Variants in PADI3 observed in about 807,000 individuals in gnomAD.
PADI3 encodes protein-arginine deiminase type-3.
In PADI3, 53 loss-of-function variants were observed where a neutral mutation model predicts 71.5. That is an observed-to-expected ratio of 0.74 (90% CI 0.59 to 0.93). The LOEUF is 0.93. Ranked by LOEUF, PADI3 falls within the 40% of genes least tolerant of loss-of-function variation. The probability of loss-of-function intolerance (pLI) is 0.00; values close to 1 mark genes in which losing one functional copy is unlikely to be tolerated. For synonymous variants in PADI3, 361 were observed against 347.5 expected (o/e 1.04, Z -0.43); for missense variants, 821 against 868.0 (o/e 0.95, Z 0.68).
chr1:17,256,892 A>T (rs1049818938), intron 1 of PADI3, among the ~76,000 whole-genome samples: 1 of 151,986 alleles, frequency 6.6e-6, no homozygotes, highest in Non-Finnish European at 1.5e-5. Flanking sequence ...AATTAGCCGG[A>T]CACGGTGGTG....
chr1:17,258,747 G>T (rs375563285), intron 1 of PADI3, among the ~76,000 whole-genome samples: 2 of 152,242 alleles, frequency 1.3e-5, no homozygotes, highest in East Asian at 1.9e-4. Context: ...TGCGCCAGGT[G>T]CCTGGCATGC....
intron 14 of PADI3, 22 bp from the exon 15 acceptor site, chr1:17,280,649 T>A (rs1211717480): frequency 1.9e-6 from 3 of 1,613,856 alleles, no homozygotes; most frequent in Non-Finnish European, 2.5e-6. Context: ...TGTCCCCAAC[T>A]CTGGCCCTCC....
At position 17,280,338 on chromosome 1, in the gene PADI3, T is replaced by G; in HGVS notation, c.1556-12T>G. Reference sequence around the variant, plus strand: ...TGTCCCTGTCCTTCTCTTTCATCTCTCTCCTTCACAGATGATGAGCAGGTC... The same window carrying G: ...TGTCCCTGTCCTTCTCTTTCATCTCGCTCCTTCACAGATGATGAGCAGGTC... On this transcript the variant is annotated splice_polypyrimidine_tract_variant and intron_variant, in intron 13 of 15. Transcript: ENST00000375460. The G allele has an allele frequency of 6.2e-7, 1 of 1,610,038 alleles. No individual in the cohort carries two copies. Among genetic ancestry groups the G allele is most frequent in the Non-Finnish European group, 8.5e-7 (1 of 1,176,350 alleles).
intron 9 of PADI3, among the ~76,000 whole-genome samples, chr1:17,271,979 GA>G (rs1307827100): frequency 2.4e-4 from 37 of 152,328 alleles, no homozygotes; most frequent in African/African-American, 8.7e-4. Context: ...CTCCAGGAGG[GA>G]GAGCATCTGA....
intron 15 of PADI3, 76 bp from the exon 16 acceptor site, chr1:17,282,770 C>G (rs1218420875): frequency 9.0e-7 from 1 of 1,113,762 alleles, no homozygotes; most frequent in Non-Finnish European, 1.3e-6. Context: ...AAAACACAAA[C>G]CTAGGTCCTG....
At position 17,282,919 on chromosome 1, in the gene PADI3, G is replaced by C. The variant is rs2073418183; in HGVS notation, c.1835G>C (p.Cys612Ser). The change falls in exon 16 of 16, where the codon TGC becomes TCC. Residue 612 changes from cysteine (C) to serine (S), a missense_variant. Coordinates refer to ENST00000375460, the MANE Select transcript of PADI3 (RefSeq NM_016233.2). ...GGGCCCATCATCAATGGCTGCTGCT[G>C]CCTGGAGGAGAAGGTGCGGTCCCTG... Reference protein sequence around the residue: ...PFGPIINGCCCLEEKVRSLLE... With the variant: ...PFGPIINGCCSLEEKVRSLLE... 5 of 1,614,016 alleles carry C rather than the reference G, an allele frequency of 3.1e-6. No individual in the cohort carries two copies. In the African/African-American group the frequency reaches 6.7e-5, roughly 22 times the overall value.
rs1288652608 is a variant in PADI3 at position 17,280,767 on chromosome 1, A to G, written c.1732A>G (p.Lys578Glu). The change falls in exon 15 of 16, where the codon AAA becomes GAA. Residue 578 changes from lysine (K) to glutamate (E), a missense_variant. Physicochemically the swap from Lys to Glu is moderately conservative, Grantham distance 56 (BLOSUM62 1). Transcript: ENST00000375460. ...DIPQLFKTERKKATAFFPDLV... is the reference protein window; with the variant it reads ...DIPQLFKTEREKATAFFPDLV... ...CCCACAGCTCTTCAAGACCGAGAGG[A>G]AAAAAGCAACGGCCTTCTTCCCTGA... The G allele has an allele frequency of 9.9e-6, 16 of 1,613,960 alleles. No individual in the cohort carries two copies. The highest frequency in any genetic ancestry group is 1.3e-5 in the African/African-American group (1 of 74,934).
In PADI3 at chr1:17,266,716, C is replaced by T. The variant is rs2073173191; in HGVS notation, c.409-3C>T. ...ATCACTGGCTATGTTTTGTCATTGG[C>T]AGCGGCAGTGGGTCTGGGGGCCCAG... On this transcript the variant is annotated splice_polypyrimidine_tract_variant and splice_region_variant and intron_variant, in intron 4 of 15. Transcript: ENST00000375460. The T allele has an allele frequency of 6.2e-7, 1 of 1,612,088 alleles. No individual in the cohort carries two copies. The highest frequency in any genetic ancestry group is 8.5e-7 in the Non-Finnish European group (1 of 1,178,156).
chr1:17,280,052 T>C (rs1195129687), intron 13 of PADI3, among the ~76,000 whole-genome samples: 4 of 152,188 alleles, frequency 2.6e-5, no homozygotes, highest in Non-Finnish European at 5.9e-5. Context: ...TCCAGTGCCC[T>C]CGGGCAGTTG....
intron 6 of PADI3, 55 bp from the exon 7 acceptor site, chr1:17,270,178 C>G: frequency 1.3e-6 from 2 of 1,554,266 alleles, no homozygotes; most frequent in South Asian, 2.4e-5. Context: ...GTCCCTCATA[C>G]TCATGCTCCC....
Position 17,283,223 on chromosome 1 carries a change from C to T in PADI3, c.*144C>T. ...GAGGGTGACCGTCCCTCTCAGAAGC[C>T]TTTTCCCTGGAAGTGTCCATGCCTC... On this transcript the variant is annotated 3_prime_UTR_variant, in exon 16 of 16. Transcript: ENST00000375460. 1 of 652,356 alleles carries T rather than the reference C, an allele frequency of 1.5e-6. No individual in the cohort carries two copies. The highest frequency in any genetic ancestry group is 2.9e-5 in the Admixed American group (1 of 34,470). 40.4% of individuals were successfully genotyped at this position (652,356 alleles called of 1,614,324 possible).
chr1:17,266,053 T>C (rs989222828), intron 4 of PADI3, among the ~76,000 whole-genome samples: 4 of 152,230 alleles, frequency 2.6e-5, no homozygotes, highest in Non-Finnish European at 5.9e-5. Flanking sequence ...GTGGGACATA[T>C]GGTCTCAATT....
At chr1:17,275,556 T>A (rs529987714) in intron 11 of PADI3, among the ~76,000 whole-genome samples, 4 of 151,862 alleles carry the variant, frequency 2.6e-5, no homozygotes, top group African/African-American at 9.7e-5. Flanking sequence ...TAATATAAGA[T>A]CTTTTCCTGA....
chr1:17,256,442 C>T (rs2073028345), intron 1 of PADI3, among the ~76,000 whole-genome samples: 1 of 152,258 alleles, frequency 6.6e-6, no homozygotes, highest in South Asian at 2.1e-4. Context: ...CAGCCCCTCC[C>T]TTCCCCAACC....
intron 3 of PADI3, among the ~76,000 whole-genome samples, chr1:17,263,954 G>C (rs910210509): frequency 2.0e-5 from 3 of 152,204 alleles, no homozygotes; most frequent in African/African-American, 7.2e-5. Flanking sequence ...TCACACACTT[G>C]AGAAGCAATT....
rs150818744 is a variant in PADI3 at position 17,274,427 on chromosome 1, A to T, written c.1156-208A>T. Among the ~76,000 whole-genome samples, 31 of 152,362 alleles carry T rather than the reference A, an allele frequency of 2.0e-4. No homozygotes were observed. In the East Asian group the frequency reaches 5.2e-3, roughly 26 times the overall value. The stretch of plus-strand genomic sequence containing the variant: ...CCGTGATAAGGCAGCAGGGCCAGAG[A>T]GTCCGAGCACTTCCCGACTTTGCCT... On this transcript the variant is annotated intron_variant, in intron 10 of 15. Coordinates refer to ENST00000375460, the MANE Select transcript of PADI3 (RefSeq NM_016233.2).
intron 6 of PADI3, 24 bp downstream of exon 6, chr1:17,267,986 G>A (rs1259871840): frequency 5.6e-6 from 9 of 1,613,146 alleles, no homozygotes; most frequent in Non-Finnish European, 7.6e-6. Flanking sequence ...ACTGCCCCTT[G>A]CCATCTGTGC....
intron 2 of PADI3, among the ~76,000 whole-genome samples, chr1:17,261,622 A>G (rs2073104326): frequency 6.6e-6 from 1 of 152,222 alleles, no homozygotes; most frequent in Non-Finnish European, 1.5e-5. Flanking sequence ...TATTGTTTCC[A>G]AGCTGCATTA....
intron 6 of PADI3, among the ~76,000 whole-genome samples, chr1:17,268,505 T>C (rs2073202012): frequency 1.3e-5 from 1 of 74,908 alleles, no homozygotes; most frequent in Non-Finnish European, 2.9e-5. Context: ...ATGCTTTTTT[T>C]TTTTTTTTTT....
Sources: allele counts gnomAD v4.1 joint callset (sites outside exome capture counted in the v4.1 genomes callset), GRCh38; gene constraint gnomAD v4.1.1; transcripts MANE v1.5; gene names NCBI Gene and HGNC (gene_info 2026-07-23, HGNC 2026-07-21).